Variants in MIGA1 observed in about 807,000 individuals in gnomAD.
The protein encoded by MIGA1 is family with sequence similarity 73, member A.
Under a neutral mutation model 82.0 loss-of-function variants are expected in MIGA1, and 58 were observed. That is an observed-to-expected ratio of 0.71 (90% CI 0.57 to 0.88). The LOEUF is 0.88. Among genes scored for constraint, MIGA1 ranks in the 40% least tolerant of loss-of-function variants. MIGA1 has a pLI of 0.00. For synonymous variants in MIGA1, 249 were observed against 253.6 expected (o/e 0.98, Z 0.17); for missense variants, 751 against 749.1 (o/e 1.00, Z -0.03).
intron 5 of MIGA1, among the ~76,000 whole-genome samples, chr1:77,808,931 C>T (rs1683208401): frequency 6.6e-6 from 1 of 152,144 alleles, no homozygotes; most frequent in Non-Finnish European, 1.5e-5. Flanking sequence ...GGAAACTTAA[C>T]ATTCACAGCT....
intron 7 of MIGA1, among the ~76,000 whole-genome samples, chr1:77,828,042 A>G (rs1043080796): frequency 1.3e-5 from 2 of 152,014 alleles, no homozygotes; most frequent in African/African-American, 4.8e-5. Context: ...TGGGCAACAG[A>G]GTGAGACTTT....
chr1:77,782,671 T>A (rs540826913), intron 1 of MIGA1, among the ~76,000 whole-genome samples: 81 of 152,296 alleles, frequency 5.3e-4, no homozygotes, highest in African/African-American at 1.8e-3. Flanking sequence ...ATAATACGCA[T>A]TAAAACTATA....
chr1:77,831,828 G>A (rs1488965734), intron 7 of MIGA1, among the ~76,000 whole-genome samples: 1 of 152,108 alleles, frequency 6.6e-6, no homozygotes, highest in South Asian at 2.1e-4. Context: ...TGGGAGGATC[G>A]CTTAAGCCCA....
At chr1:77,820,899 TG>T (rs1417274218) in intron 7 of MIGA1, among the ~76,000 whole-genome samples, 1 of 152,154 alleles carries the variant, frequency 6.6e-6, no homozygotes, top group Non-Finnish European at 1.5e-5. Context: ...TTTGGGAGGC[TG>T]AGGCAGGTGG....
At chr1:77,786,566 A>G (rs569833027) in intron 2 of MIGA1, among the ~76,000 whole-genome samples, 5 of 152,218 alleles carry the variant, frequency 3.3e-5, no homozygotes, top group Non-Finnish European at 7.3e-5. Flanking sequence ...CTTCTGCTAG[A>G]TACCCTAAAT....
chr1:77,785,841 G>C (rs1682136501), intron 2 of MIGA1, among the ~76,000 whole-genome samples: 1 of 152,216 alleles, frequency 6.6e-6, no homozygotes. Context: ...TATGGTGCAA[G>C]CTGTTGGTGG....
intron 14 of MIGA1, 146 bp downstream of exon 14, chr1:77,866,537 G>A (rs1055512174): frequency 1.3e-5 from 9 of 702,894 alleles, no homozygotes; most frequent in East Asian, 7.9e-5. Flanking sequence ...TGACTTACTG[G>A]TAGTGGGTTG....
Position 77,783,299 on chromosome 1 carries a change from C to A in MIGA1, c.143C>A (p.Ala48Glu). 6.3e-7 allele frequency: 1 copy of A among 1,597,950 alleles called. No homozygotes were observed. Among genetic ancestry groups the A allele is most frequent in the Non-Finnish European group, 8.6e-7 (1 of 1,169,170 alleles). ...GAATCACAGTTTTCCTTGAAGACAG[C>A]AGCGCTAAGAGTGTTTGATCTTCCT... Residue 48 changes from alanine to glutamate, a missense_variant, in exon 2 of 16, where the codon GCA becomes GAA. Physicochemically the swap from Ala to Glu is moderately radical, Grantham distance 107. This residue lies in a region of MIGA1 where 482 missense variants were observed against 439.4 expected (regional missense o/e 1.10). Transcript: ENST00000370791.
At chr1:77,843,861 G>C (rs1245771035) in intron 8 of MIGA1, among the ~76,000 whole-genome samples, 1 of 151,888 alleles carries the variant, frequency 6.6e-6, no homozygotes, top group Non-Finnish European at 1.5e-5. Flanking sequence ...TACTTTAGGA[G>C]GCTGAGGTGG....
Position 77,876,709 on chromosome 1 carries a change from G to A in MIGA1, c.*1645G>A, listed in dbSNP as rs897018874. The stretch of plus-strand genomic sequence containing the variant: ...GTTTGAATCTTATTGACATTTTAAA[G>A]AAGAGTTTTTTCCTCCCTGGAATGT... On this transcript the variant is annotated 3_prime_UTR_variant, in exon 16 of 16. Transcript: ENST00000370791. 2 of 152,096 alleles carry A rather than the reference G, an allele frequency of 1.3e-5. No individual in the cohort carries two copies. The allele number at this position is 152,096 out of a possible 1,614,324, so 9.4% of individuals were successfully genotyped here. A position where few individuals can be genotyped will look rare whatever the true frequency, so the allele number is the denominator to read the frequency against.
intron 4 of MIGA1, among the ~76,000 whole-genome samples, chr1:77,804,611 C>T (rs943733927): frequency 6.6e-6 from 1 of 151,596 alleles, no homozygotes; most frequent in African/African-American, 2.4e-5. Flanking sequence ...TGGAGATAAA[C>T]AACATTAACA....
Position 77,811,059 on chromosome 1 carries a change from A to C in MIGA1, c.638-2675A>C, listed in dbSNP as rs1443467236. On this transcript the variant is annotated intron_variant, in intron 5 of 15. Transcript: ENST00000370791. ...TTTTAGGCTTGTAGGGTTTGAATTC[A>C]AAGAAGATAGCTGCACCTTTGGTTA... 83 of 1,613,406 alleles carry C rather than the reference A, an allele frequency of 5.1e-5. 3 individuals carry two copies. Among genetic ancestry groups the C allele is most frequent in the Non-Finnish European group, 4.2e-6 (5 of 1,179,762 alleles).
chr1:77,848,106 T>C (rs1684912131), intron 8 of MIGA1: 1 of 1,316,290 alleles, frequency 7.6e-7, no homozygotes, highest in African/African-American at 1.5e-5. Context: ...ACAGAAGCAA[T>C]CCAGAGACGA....
At chr1:77,790,492 T>C (rs990082169) in intron 2 of MIGA1, among the ~76,000 whole-genome samples, 2 of 152,088 alleles carry the variant, frequency 1.3e-5, no homozygotes, top group African/African-American at 4.8e-5. Context: ...GGTCTTGATC[T>C]CCTCACCTCG....
At chr1:77,780,000 C>T in intron 1 of MIGA1, 4 of 1,232,712 alleles carry the variant, frequency 3.2e-6, no homozygotes, top group Non-Finnish European at 4.1e-6. Flanking sequence ...AGGAGGGTCC[C>T]CACGCCAGAG....
At chr1:77,865,292 G>A (rs1685620822) in intron 13 of MIGA1, among the ~76,000 whole-genome samples, 1 of 151,494 alleles carries the variant, frequency 6.6e-6, no homozygotes. Flanking sequence ...TACTATTCTT[G>A]AAAAAAAATT....
chr1:77,789,245 T>C (rs1315133647), intron 2 of MIGA1, among the ~76,000 whole-genome samples: 1 of 150,188 alleles, frequency 6.7e-6, no homozygotes, highest in Non-Finnish European at 1.5e-5. Flanking sequence ...TCTTGCTTTG[T>C]TGCCCGGGCT....
intron 7 of MIGA1, among the ~76,000 whole-genome samples, chr1:77,815,898 TA>T (rs1185315129): frequency 1.3e-5 from 2 of 151,892 alleles, no homozygotes; most frequent in Non-Finnish European, 2.9e-5. Context: ...CCTTGCTAAT[TA>T]AAAAAATTTT....
chr1:77,872,210 C>T (rs773286781), intron 14 of MIGA1, among the ~76,000 whole-genome samples: 1 of 151,994 alleles, frequency 6.6e-6, no homozygotes, highest in Non-Finnish European at 1.5e-5. Context: ...GTCAAGTGAT[C>T]CACCTGCCTT....
Sources: gnomAD v4.1 joint callset for allele counts (sites outside exome capture counted in the v4.1 genomes callset) on GRCh38, gnomAD v4.1.1 for gene constraint, gnomAD v4.1.1 regional missense constraint, MANE v1.5 for transcripts, NCBI Gene and HGNC (gene_info 2026-07-23, HGNC 2026-07-21) for gene names.